Variants in ENTREP2 observed in about 807,000 individuals in gnomAD.
ENTREP2 encodes protein ENTREP2.
the ENTREP2 span, chr15:29,117,913 C>T: frequency 1.5e-5 from 2 of 133,958 alleles, no homozygotes; most frequent in African/African-American, 2.8e-5. Flanking sequence ...TGTCTGCCCC[C>T]TCTTTAAAAT....
the ENTREP2 span, among the ~76,000 whole-genome samples, chr15:29,447,268 A>G: frequency 6.6e-6 from 1 of 152,198 alleles, no homozygotes; most frequent in Non-Finnish European, 1.5e-5. Flanking sequence ...TAAGATTTCC[A>G]TGGAGAAAAG....
chr15:29,365,929 G>A, the ENTREP2 span, among the ~76,000 whole-genome samples: 34 of 152,078 alleles, frequency 2.2e-4, no homozygotes, highest in African/African-American at 7.7e-4. Context: ...GCAGAACCCA[G>A]CATTCACGCT....
the ENTREP2 span, among the ~76,000 whole-genome samples, chr15:29,641,605 G>A: frequency 5.9e-5 from 9 of 152,248 alleles, no homozygotes; most frequent in East Asian, 5.8e-4. Context: ...GCTAAGGTGG[G>A]CAGATCACTT....
the ENTREP2 span, among the ~76,000 whole-genome samples, chr15:29,337,361 A>C: frequency 1.5e-4 from 23 of 152,096 alleles, no homozygotes; most frequent in Non-Finnish European, 2.8e-4. Context: ...AAAAAGCTCC[A>C]CCTCAGAGAG....
the ENTREP2 span, among the ~76,000 whole-genome samples, chr15:29,624,798 G>A: frequency 1.3e-5 from 2 of 151,752 alleles, no homozygotes; most frequent in Non-Finnish European, 1.5e-5. Context: ...GAGAGCCAAG[G>A]ACCAAGAAAT....
the ENTREP2 span, among the ~76,000 whole-genome samples, chr15:29,345,477 C>T: frequency 6.6e-6 from 1 of 152,236 alleles, no homozygotes; most frequent in South Asian, 2.1e-4. Context: ...GCTTTCTGCA[C>T]CAAGGCCCCT....
chr15:29,326,353 A>C, the ENTREP2 span, among the ~76,000 whole-genome samples: 1 of 152,190 alleles, frequency 6.6e-6, no homozygotes, highest in East Asian at 1.9e-4. Context: ...GAAACTCTCA[A>C]ACTAATAAGC....
chr15:29,269,658 C>A, the ENTREP2 span: 1 of 1,566,646 alleles, frequency 6.4e-7, no homozygotes, highest in Non-Finnish European at 8.6e-7. Flanking sequence ...CTCTGTCCCT[C>A]TCGGCCTGGC....
the ENTREP2 span, among the ~76,000 whole-genome samples, chr15:29,471,397 T>A: frequency 6.6e-6 from 1 of 152,158 alleles, no homozygotes; most frequent in Non-Finnish European, 1.5e-5. Context: ...GACTGGGATG[T>A]GCTACAAATA....
the ENTREP2 span, among the ~76,000 whole-genome samples, chr15:29,319,378 G>C: frequency 1.3e-5 from 2 of 152,174 alleles, no homozygotes; most frequent in Non-Finnish European, 2.9e-5. Context: ...GTCAATGCAG[G>C]CTGAGTGAAC....
At chr15:29,160,185 G>C in the ENTREP2 span, among the ~76,000 whole-genome samples, 35 of 152,342 alleles carry the variant, frequency 2.3e-4, no homozygotes, top group African/African-American at 7.5e-4. Context: ...CGGGGCCGCG[G>C]AGCCCACGCC....
chr15:29,622,779 A>C, the ENTREP2 span, among the ~76,000 whole-genome samples: 1 of 152,218 alleles, frequency 6.6e-6, no homozygotes, highest in Non-Finnish European at 1.5e-5. Context: ...CTAATTGTGT[A>C]GCCAGGCATT....
chr15:29,478,960 C>T, the ENTREP2 span, among the ~76,000 whole-genome samples: 4 of 146,714 alleles, frequency 2.7e-5, no homozygotes, highest in Non-Finnish European at 6.0e-5. Flanking sequence ...TTTGGGAGGC[C>T]GAGGCAGGTG....
At chr15:29,436,716 T>C in the ENTREP2 span, among the ~76,000 whole-genome samples, 2 of 152,218 alleles carry the variant, frequency 1.3e-5, no homozygotes, top group Admixed American at 1.3e-4. Flanking sequence ...ATTCGGAAGC[T>C]TGAAAACAAA....
the ENTREP2 span, chr15:29,196,637 A>C: frequency 1.4e-6 from 2 of 1,474,754 alleles, no homozygotes; most frequent in Non-Finnish European, 1.8e-6. Flanking sequence ...TGAGTGACAC[A>C]GTTCAGAACA....
At chr15:29,226,172 A>C in the ENTREP2 span, among the ~76,000 whole-genome samples, 1 of 152,222 alleles carries the variant, frequency 6.6e-6, no homozygotes, top group African/African-American at 2.4e-5. Flanking sequence ...ACTGAATCAA[A>C]GAATGACTGA....
chr15:29,149,808 C>G, the ENTREP2 span, among the ~76,000 whole-genome samples: 1 of 152,234 alleles, frequency 6.6e-6, no homozygotes, highest in Non-Finnish European at 1.5e-5. Context: ...CCGGGGGTCT[C>G]ATCACGAGAG....
the ENTREP2 span, among the ~76,000 whole-genome samples, chr15:29,630,728 C>T: frequency 6.6e-6 from 1 of 152,176 alleles, no homozygotes; most frequent in Non-Finnish European, 1.5e-5. Context: ...TGCTCTGTCA[C>T]CCAGGCTGGA....
chr15:29,356,710 C>G, the ENTREP2 span, among the ~76,000 whole-genome samples: 8 of 152,070 alleles, frequency 5.3e-5, no homozygotes, highest in Non-Finnish European at 1.0e-4. Context: ...AATCTTAAAA[C>G]TCCAATGAAA....
Sources: gnomAD v4.1 joint callset for allele counts (sites outside exome capture counted in the v4.1 genomes callset) on GRCh38, gnomAD v4.1.1 for gene constraint, MANE v1.5 for transcripts, NCBI Gene and HGNC (gene_info 2026-07-23, HGNC 2026-07-21) for gene names.